SCML2: variants seen among roughly 807,000 people sequenced by gnomAD.
The protein encoded by SCML2 is sex comb on midleg-like protein 2.
Under a neutral mutation model 48.4 loss-of-function variants are expected in SCML2, and 6 were observed. That is an observed-to-expected ratio of 0.12 (90% CI 0.07 to 0.24). The LOEUF (loss-of-function observed/expected upper bound fraction) is 0.24, where lower values mean the gene tolerates loss of function less well. Ranked by LOEUF, SCML2 falls within the 10% of genes least tolerant of loss-of-function variation. The pLI is 1.00. For missense variants in SCML2, 377 were observed against 528.2 expected, an observed-to-expected ratio of 0.71 and a Z score of 2.81; for synonymous variants, 181 against 189.5, an observed-to-expected ratio of 0.95 and a Z score of 0.37.
intron 6 of SCML2, among the ~76,000 whole-genome samples, chrX:18,305,431 C>G (rs1928726780): frequency 9.0e-6 from 1 of 111,216 alleles, no homozygotes; most frequent in Non-Finnish European, 1.9e-5. Context: ...GAGTCAAGAA[C>G]CTGGAAAGAA....
Position 18,241,095 on chromosome X carries a change from C to A in SCML2, c.*156G>T, listed in dbSNP as rs1029225973. 2.4e-6 allele frequency: 1 copy of A among 425,381 alleles called. No individual in the cohort carries two copies. Among genetic ancestry groups the A allele is most frequent in the Non-Finnish European group, 3.5e-6 (1 of 285,449 alleles). 35.1% of individuals were successfully genotyped at this position (425,381 alleles called of 1,213,427 possible). ...CTGGTTGGTGACTCCAGGAAAAAAA[C>A]AAAGTTGACTGAACTGTTACTACAG... On this transcript the variant is annotated 3_prime_UTR_variant, in exon 15 of 15. Transcript: ENST00000251900.
chrX:18,348,208 T>C (rs1241316805), intron 1 of SCML2, among the ~76,000 whole-genome samples: 1 of 112,023 alleles, frequency 8.9e-6, no homozygotes, highest in Non-Finnish European at 1.9e-5. Flanking sequence ...TGTGAAGGAC[T>C]TGAGTTAATG....
In SCML2 at chrX:18,299,734, C is replaced by CT. The variant is rs145767290; in HGVS notation, c.730+5237dup. ...GCTAGGATGCAGAGAAAAGGGAACTCTTTTTTTTTTTTTTTTAAATAGAGA... is the reference window on the plus strand; with the variant it reads ...GCTAGGATGCAGAGAAAAGGGAACTCTTTTTTTTTTTTTTTTTAAATAGAGA... On this transcript the variant is annotated intron_variant, in intron 7 of 14. Coordinates refer to ENST00000251900, the MANE Select transcript of SCML2 (RefSeq NM_006089.3). Among the ~76,000 whole-genome samples, 827 of 97,007 alleles carry CT rather than the reference C, an allele frequency of 8.5e-3. 2 individuals are homozygous for CT. Among genetic ancestry groups the CT allele is most frequent in the African/African-American group, 0.012 (333 of 26,797 alleles). The allele number at this position is 97,007 out of a possible 115,157, so 84.2% of individuals were successfully genotyped here.
chrX:18,306,823 A>G (rs1928772443), intron 6 of SCML2, among the ~76,000 whole-genome samples: 1 of 110,329 alleles, frequency 9.1e-6, no homozygotes, highest in Admixed American at 9.7e-5. Flanking sequence ...TTTTAATTAC[A>G]TATTCTTTTT....
chrX:18,255,811 T>C (rs1342107545), intron 11 of SCML2, among the ~76,000 whole-genome samples: 1 of 112,450 alleles, frequency 8.9e-6, no homozygotes, highest in Non-Finnish European at 1.9e-5. Flanking sequence ...CTTAAAAAGA[T>C]AGTCTGTGAT....
At chrX:18,299,354 A>C (rs1928502412) in intron 7 of SCML2, among the ~76,000 whole-genome samples, 1 of 110,191 alleles carries the variant, frequency 9.1e-6, no homozygotes, top group Non-Finnish European at 1.9e-5. Context: ...TCTACTAAAA[A>C]TAAAAAAAAA....
intron 1 of SCML2, among the ~76,000 whole-genome samples, chrX:18,344,474 G>A (rs193224702): frequency 3.9e-4 from 44 of 111,932 alleles, no homozygotes; most frequent in African/African-American, 1.2e-3. Context: ...ATATGGTTTG[G>A]TGTCCCTACC....
chrX:18,319,111 C>CCAGG (rs1345241774), intron 6 of SCML2, among the ~76,000 whole-genome samples: 3 of 112,109 alleles, frequency 2.7e-5, no homozygotes, highest in Non-Finnish European at 5.6e-5. Context: ...CCAAACCTGG[C>CCAGG]CAGGGGCAGT....
In SCML2 at chrX:18,246,795, G is replaced by A; in HGVS notation, c.1604C>T (p.Pro535Leu). The A allele has an allele frequency of 8.3e-7, 1 of 1,205,709 alleles. No homozygotes were observed. Among genetic ancestry groups the A allele is most frequent in the Non-Finnish European group, 1.1e-6 (1 of 891,963 alleles). ...EPLFAGGSAI[P>L]KEENLSEDSK... Reference sequence around the variant, plus strand: ...ATCTTCTGAAAGATTCTCCTCTTTGGGAATGGCACTTCCCCCAGCAAACAA... The same window carrying A: ...ATCTTCTGAAAGATTCTCCTCTTTGAGAATGGCACTTCCCCCAGCAAACAA... Residue 535 changes from proline to leucine, a missense_variant, in exon 13 of 15, where the codon CCC (proline) becomes CTC (leucine). Physicochemically the swap from Pro to Leu is moderately conservative, Grantham distance 98. Coordinates refer to ENST00000251900, the MANE Select transcript of SCML2 (RefSeq NM_006089.3).
intron 1 of SCML2, among the ~76,000 whole-genome samples, chrX:18,348,681 AAATT>A (rs1930278747): frequency 8.9e-6 from 1 of 112,067 alleles, no homozygotes; most frequent in Non-Finnish European, 1.9e-5. Flanking sequence ...AGTTAGTTAA[AAATT>A]AATACTGACT....
intron 8 of SCML2, among the ~76,000 whole-genome samples, chrX:18,262,712 CT>C (rs200924355): frequency 6.7e-5 from 7 of 105,103 alleles, no homozygotes; most frequent in South Asian, 8.2e-4. Context: ...TTTTCCTTTC[CT>C]TTTTTTTTCC....
chrX:18,308,570 C>G (rs1318663131), intron 6 of SCML2, among the ~76,000 whole-genome samples: 1 of 111,331 alleles, frequency 9.0e-6, no homozygotes, highest in Non-Finnish European at 1.9e-5. Flanking sequence ...AGATGCAAAT[C>G]AAAACCACAA....
At chrX:18,300,255 C>G (rs1203512184) in intron 7 of SCML2, among the ~76,000 whole-genome samples, 1 of 108,466 alleles carries the variant, frequency 9.2e-6, no homozygotes, top group Admixed American at 1.0e-4. Flanking sequence ...CAAAAATTAG[C>G]CAGGTGTGAT....
chrX:18,285,363 T>C (rs1297288111), intron 7 of SCML2, among the ~76,000 whole-genome samples: 2 of 108,541 alleles, frequency 1.8e-5, no homozygotes, highest in African/African-American at 6.7e-5. Context: ...CATGGAATAC[T>C]AGATAGCCAT....
chrX:18,246,218 G>A (rs1204183219), intron 13 of SCML2, among the ~76,000 whole-genome samples: 2 of 112,517 alleles, frequency 1.8e-5, no homozygotes, highest in Non-Finnish European at 3.8e-5. Context: ...CAAGAGAGAC[G>A]AAGAAAAGTG....
chrX:18,286,466 T>A (rs1474413391), intron 7 of SCML2, among the ~76,000 whole-genome samples: 2 of 111,477 alleles, frequency 1.8e-5, no homozygotes, highest in Admixed American at 9.5e-5. Flanking sequence ...CTCCAGCAAT[T>A]TCAGAATTAA....
At chrX:18,321,598 GAAAAAAAAAAAAAA>G (rs776249974) in intron 5 of SCML2, among the ~76,000 whole-genome samples, 1 of 40,601 alleles carries the variant, frequency 2.5e-5, no homozygotes, top group Admixed American at 3.5e-4. Flanking sequence ...CACAATTGTT[GAAAAAAAAAAAAAA>G]AAAAAAACAG....
intron 1 of SCML2, among the ~76,000 whole-genome samples, chrX:18,337,346 T>A (rs1196053556): frequency 1.7e-4 from 12 of 70,241 alleles, no homozygotes; most frequent in Non-Finnish European, 3.1e-4. Flanking sequence ...ACCAATTGTA[T>A]GTTGGCTACA....
At chrX:18,257,731 T>C (rs1365657388) in intron 10 of SCML2, among the ~76,000 whole-genome samples, 1 of 107,855 alleles carries the variant, frequency 9.3e-6, no homozygotes, top group Non-Finnish European at 1.9e-5. Context: ...CTACTAAAAA[T>C]ACAAAAGTTA....
Sources: allele counts gnomAD v4.1 joint callset (sites outside exome capture counted in the v4.1 genomes callset), GRCh38; gene constraint gnomAD v4.1.1; transcripts MANE v1.5; gene names NCBI Gene and HGNC (gene_info 2026-07-23, HGNC 2026-07-21).